ENOX1: variants seen among roughly 807,000 people sequenced by gnomAD.
ENOX1 encodes candidate growth-related and time keeping constitutive hydroquinone (NADH) oxidase.
A neutral mutation model predicts 82.5 loss-of-function variants in ENOX1; 42 were observed. The ratio of observed to expected loss-of-function variants is 0.51; its 90% CI spans 0.40 to 0.66. ENOX1 has a LOEUF of 0.66. Among genes scored for constraint, ENOX1 ranks in the 30% least tolerant of loss-of-function variants. The pLI is 0.00. For missense variants in ENOX1, 608 were observed against 811.6 expected, an observed-to-expected ratio of 0.75 and a Z score of 3.05; for synonymous variants, 271 against 282.2, an observed-to-expected ratio of 0.96 and a Z score of 0.40.
chr13:43,546,159 A>C (rs2078965706), intron 2 of ENOX1: 1 of 152,294 alleles, frequency 6.6e-6, no homozygotes, highest in Non-Finnish European at 1.5e-5. Flanking sequence ...GAGACAAAAC[A>C]GACAAGCTAA....
intron 2 of ENOX1, among the ~76,000 whole-genome samples, chr13:43,488,946 G>A (rs2076524124): frequency 6.6e-6 from 1 of 152,202 alleles, no homozygotes; most frequent in Admixed American, 6.5e-5. Context: ...AGTAAATTCT[G>A]AATTTTCCAT....
intron 8 of ENOX1, 29 bp downstream of exon 8, chr13:43,355,890 G>C (rs1308167577): frequency 6.3e-7 from 1 of 1,588,896 alleles, no homozygotes; most frequent in Non-Finnish European, 8.6e-7. Flanking sequence ...CCCTGTGGAG[G>C]AAGAAAAGCC....
chr13:43,770,290 G>A (rs1455492032), intron 1 of ENOX1, among the ~76,000 whole-genome samples: 1 of 152,246 alleles, frequency 6.6e-6, no homozygotes, highest in Admixed American at 6.5e-5. Context: ...CTACAATGGT[G>A]TAAGTAGAAG....
At chr13:43,510,551 A>G (rs1458518577) in intron 2 of ENOX1, among the ~76,000 whole-genome samples, 1 of 152,078 alleles carries the variant, frequency 6.6e-6, no homozygotes, top group Admixed American at 6.6e-5. Flanking sequence ...GCATAATCCA[A>G]TTCCTGTTGG....
rs568350115 is a variant in ENOX1 at position 43,781,638 on chromosome 13, C to T, written c.-285+5014G>A. Among the ~76,000 whole-genome samples, 101 of 152,112 alleles carry T rather than the reference C, an allele frequency of 6.6e-4. 1 individual carries two copies. The highest frequency in any genetic ancestry group is 2.2e-3 in the African/African-American group (91 of 41,496). ...AAGCGATTCTCCTGCCTCAGCCCCCCGAGTAGCTGGGATTACAGGCATGCA... is the reference window on the plus strand; with the variant it reads ...AAGCGATTCTCCTGCCTCAGCCCCCTGAGTAGCTGGGATTACAGGCATGCA... On this transcript the variant is annotated intron_variant, in intron 1 of 16. Transcript: ENST00000690772.
chr13:43,598,603 C>T (rs769508111), intron 2 of ENOX1, among the ~76,000 whole-genome samples: 4 of 152,174 alleles, frequency 2.6e-5, no homozygotes, highest in Non-Finnish European at 5.9e-5. Context: ...CTGCACATGC[C>T]TCTAACTCAC....
At position 43,296,906 on chromosome 13, in the gene ENOX1, G is replaced by A. The variant is rs77695992; in HGVS notation, c.1446+1440C>T. On this transcript the variant is annotated intron_variant, in intron 12 of 16. Coordinates refer to ENST00000690772, the MANE Select transcript of ENOX1 (RefSeq NM_001347969.2). ...CGTCATGGTCTTTGGGGAAATCGAC[G>A]GCCTCTCATCTTGGCGAGGGTGCCA... is the stretch of plus-strand genomic sequence containing the variant. 5.8e-3 allele frequency among the ~76,000 whole-genome samples: 887 copies of A among 152,266 alleles called. 2 individuals carry two copies. Among genetic ancestry groups the A allele is most frequent in the Non-Finnish European group, 0.011 (729 of 68,028 alleles).
At chr13:43,584,289 AC>A (rs2080878508) in intron 2 of ENOX1, among the ~76,000 whole-genome samples, 2 of 152,178 alleles carry the variant, frequency 1.3e-5, no homozygotes, top group Admixed American at 1.3e-4. Flanking sequence ...TCACAAACAC[AC>A]CCATCCCCCC....
At chr13:43,372,922 G>A (rs2051336699) in intron 5 of ENOX1, among the ~76,000 whole-genome samples, 1 of 151,628 alleles carries the variant, frequency 6.6e-6, no homozygotes, top group Non-Finnish European at 1.5e-5. Flanking sequence ...AACAGAAACT[G>A]TGCCTCGGTT....
At chr13:43,730,881 A>G (rs572908592) in intron 1 of ENOX1, among the ~76,000 whole-genome samples, 3 of 152,264 alleles carry the variant, frequency 2.0e-5, no homozygotes, top group African/African-American at 7.2e-5. Context: ...TCCTCCAGGA[A>G]GCATTTCCTG....
At chr13:43,353,327 A>AGCT (rs1028864477) in intron 8 of ENOX1, among the ~76,000 whole-genome samples, 2 of 152,240 alleles carry the variant, frequency 1.3e-5, no homozygotes, top group Admixed American at 6.5e-5. Context: ...TGCTAAATAA[A>AGCT]GCTGATTTTC....
intron 1 of ENOX1, among the ~76,000 whole-genome samples, chr13:43,718,432 C>T (rs1002911361): frequency 6.6e-6 from 1 of 152,094 alleles, no homozygotes; most frequent in Non-Finnish European, 1.5e-5. Flanking sequence ...CTACTGGGTA[C>T]TATGCTCACT....
chr13:43,234,256 T>C (rs2042417373), intron 15 of ENOX1, among the ~76,000 whole-genome samples: 2 of 152,142 alleles, frequency 1.3e-5, no homozygotes, highest in African/African-American at 2.4e-5. Flanking sequence ...TTTTGGAGGA[T>C]TATCCTCTTT....
intron 9 of ENOX1, among the ~76,000 whole-genome samples, chr13:43,335,021 T>G (rs980359270): frequency 2.0e-5 from 3 of 152,224 alleles, no homozygotes; most frequent in African/African-American, 7.2e-5. Context: ...AGTGTCCATC[T>G]GTTTGAATCC....
intron 9 of ENOX1, among the ~76,000 whole-genome samples, chr13:43,337,274 G>A (rs1300439426): frequency 6.6e-6 from 1 of 152,096 alleles, no homozygotes; most frequent in Non-Finnish European, 1.5e-5. Context: ...ATTATGCCAG[G>A]TCCAGAAGTG....
chr13:43,258,364 T>C (rs1416911174), intron 14 of ENOX1, among the ~76,000 whole-genome samples: 2 of 152,118 alleles, frequency 1.3e-5, no homozygotes, highest in Non-Finnish European at 2.9e-5. Flanking sequence ...TTGCAGCACA[T>C]ACAGTTAATT....
At chr13:43,529,983 T>A (rs2078142256) in intron 2 of ENOX1, among the ~76,000 whole-genome samples, 1 of 152,130 alleles carries the variant, frequency 6.6e-6, no homozygotes, top group Non-Finnish European at 1.5e-5. Context: ...ATGCCAAGAA[T>A]GCCTCTGACT....
At chr13:43,591,107 G>A (rs576280202) in intron 2 of ENOX1, among the ~76,000 whole-genome samples, 1 of 152,156 alleles carries the variant, frequency 6.6e-6, no homozygotes, top group Admixed American at 6.5e-5. Flanking sequence ...CATACCCATT[G>A]GCTAATTATT....
intron 2 of ENOX1, among the ~76,000 whole-genome samples, chr13:43,649,781 CA>C (rs1434435291): frequency 4.4e-5 from 6 of 136,156 alleles, no homozygotes; most frequent in Non-Finnish European, 6.9e-5. Flanking sequence ...AAGTGCAAAC[CA>C]AAAGTCCCTT....
Sources: gnomAD v4.1 joint callset for allele counts (sites outside exome capture counted in the v4.1 genomes callset) on GRCh38, gnomAD v4.1.1 for gene constraint, MANE v1.5 for transcripts, NCBI Gene and HGNC (gene_info 2026-07-23, HGNC 2026-07-21) for gene names.